Variants in FAM3A observed in about 807,000 individuals in gnomAD.
The protein encoded by FAM3A is FAM3 metabolism regulating signaling molecule A.
In FAM3A, 5 loss-of-function variants were observed where a neutral mutation model predicts 18.1. The ratio of observed to expected loss-of-function variants is 0.28; its 90% CI spans 0.14 to 0.58. The LOEUF is 0.58. FAM3A is among the 20% of genes least tolerant of loss of function. The probability of loss-of-function intolerance (pLI) is 0.91; values close to 1 mark genes in which losing one functional copy is unlikely to be tolerated. For synonymous variants in FAM3A, 108 were observed against 90.2 expected (o/e 1.20, Z -1.12); for missense variants, 154 against 216.6 (o/e 0.71, Z 1.81).
chrX:154,512,086 A>G (rs1317229131), intron 2 of FAM3A, among the ~76,000 whole-genome samples: 1 of 110,310 alleles, frequency 9.1e-6, no homozygotes, highest in Non-Finnish European at 1.9e-5. Flanking sequence ...ATGGAATTAG[A>G]AAAACTACTT....
Position 154,508,609 on chromosome X carries a change from T to A in FAM3A, c.152-12A>T. On this transcript the variant is annotated splice_polypyrimidine_tract_variant and intron_variant, in intron 3 of 8. Transcript: ENST00000447601. ...CCTGGCCCGTGGCGCTGGGCAGGGA[T>A]AGCAGGTGTTATCCATGGGCCTGGC... 8.5e-7 allele frequency: 1 copy of A among 1,180,471 alleles called. No homozygotes were observed. The highest frequency in any genetic ancestry group is 1.1e-6 in the Non-Finnish European group (1 of 879,290).
chrX:154,508,821 G>T lies in FAM3A; in HGVS notation c.152-224C>A, dbSNP rs111420995. 4.4e-3 allele frequency: 2,247 copies of T among 508,099 alleles called. 43 individuals are homozygous for T. Among genetic ancestry groups the T allele is most frequent in the African/African-American group, 0.043 (1,876 of 43,348 alleles). 41.9% of individuals were successfully genotyped at this position (508,099 alleles called of 1,213,427 possible). A position where few individuals can be genotyped will look rare whatever the true frequency, so the allele number is the denominator to read the frequency against. ...GAAGGATTTTCTGTTACTGGTGGGA[G>T]AAAAGAAAGGATGCTGAGGGCTGGC... On this transcript the variant is annotated intron_variant, in intron 3 of 8. Transcript: ENST00000447601.
Position 154,506,916 on chromosome X carries a change from G to C in FAM3A, c.598-10C>G. ...TACTGTTCTTCACGTGCTGTGGGGA[G>C]GGGAGCAGAAAGTCATGACTTTGGC... On this transcript the variant is annotated splice_polypyrimidine_tract_variant and intron_variant, in intron 8 of 8. Transcript: ENST00000447601. 8.3e-7 allele frequency: 1 copy of C among 1,197,710 alleles called. No homozygotes were observed. Among genetic ancestry groups the C allele is most frequent in the Non-Finnish European group, 1.1e-6 (1 of 883,565 alleles).
intron 1 of FAM3A, among the ~76,000 whole-genome samples, chrX:154,513,317 G>C (rs73573452): frequency 0.022 from 2,440 of 111,477 alleles, 74 homozygotes; most frequent in African/African-American, 0.075. Flanking sequence ...TTCTGAGGGA[G>C]AAGGGTCCCT....
In FAM3A at chrX:154,506,814, G is replaced by C. The variant is rs1451754111; in HGVS notation, c.690C>G (p.Ser230Arg). The change falls in exon 9 of 9, where the codon AGC (serine) becomes AGG (arginine). Residue 230 changes from serine to arginine, a missense_variant. Ser to Arg is a moderately radical substitution (Grantham distance 110). Coordinates refer to ENST00000447601, the MANE Select transcript of FAM3A (RefSeq NM_021806.4). ...EGCIPRRSTA[S>R] is the part of the protein sequence containing the mutation. The stretch of plus-strand genomic sequence containing the variant: ...CCCGGTCCTGGCACTGGCCGTGCTA[G>C]CTGGCCGTGCTTCTCCGCGGGATAC... The C allele has an allele frequency of 1.7e-6, 2 of 1,208,430 alleles. No individual in the cohort carries two copies. The highest frequency in any genetic ancestry group is 5.9e-5 in the East Asian group (2 of 33,839).
rs1453317524 is a variant in FAM3A, at chrX:154,506,752, G to A, written c.*59C>T. 1.2e-5 allele frequency: 12 copies of A among 1,000,257 alleles called. No homozygotes were observed. The highest frequency in any genetic ancestry group is 3.1e-4 in the Middle Eastern group (1 of 3,210). 82.4% of individuals were successfully genotyped at this position (1,000,257 alleles called of 1,213,427 possible). On this transcript the variant is annotated 3_prime_UTR_variant, in exon 9 of 9. Coordinates refer to ENST00000447601, the MANE Select transcript of FAM3A (RefSeq NM_021806.4). ...GTGAGCCTCAGCCTCTGTCCGCCCG[G>A]CAGCGCGCGTGCCTCCCTTGGTCTG...
intron 3 of FAM3A, chrX:154,508,982 G>A (rs1380992940): frequency 1.9e-5 from 5 of 263,682 alleles, no homozygotes; most frequent in South Asian, 4.0e-5. Context: ...CCTGTCTCCC[G>A]ATTTTGATGG....
chrX:154,507,743 T>C (rs2069632265), intron 6 of FAM3A, 68 bp downstream of exon 6: 1 of 1,009,454 alleles, frequency 9.9e-7, no homozygotes, highest in Non-Finnish European at 1.4e-6. Flanking sequence ...GAGAGAGCAG[T>C]GTCTCAGGGG....
intron 5 of FAM3A, 69 bp from the exon 6 acceptor site, chrX:154,507,930 C>A: frequency 1.0e-6 from 1 of 977,033 alleles, no homozygotes; most frequent in Middle Eastern, 3.5e-4. Flanking sequence ...GCGGGTAGCA[C>A]CGGGGGTGGG....
At chrX:154,511,454 G>A (rs1052420700) in intron 3 of FAM3A, 83 of 148,057 alleles carry the variant, frequency 5.6e-4, no homozygotes, top group African/African-American at 2.4e-3. Flanking sequence ...GGGTGGCCCC[G>A]AAGGTGGGGC....
rs1043871939 is a variant in FAM3A, at chrX:154,506,630, C to A, written c.*181G>T. On this transcript the variant is annotated 3_prime_UTR_variant, in exon 9 of 9. Transcript: ENST00000447601. ...AGTGCGGCAGGGCTACCCCCTGCAG[C>A]CCCCATAGCCCCCACCACCTTGAGA... The A allele has an allele frequency of 1.1e-4, 50 of 437,092 alleles. No individual in the cohort carries two copies. In the East Asian group the frequency reaches 1.8e-3, roughly 16 times the overall value. 36.0% of individuals were successfully genotyped at this position (437,092 alleles called of 1,213,427 possible).
At chrX:154,515,670 C>G in intron 1 of FAM3A, 90 bp downstream of exon 1, 2 of 1,023,694 alleles carry the variant, frequency 2.0e-6, no homozygotes, top group Non-Finnish European at 2.8e-6. Flanking sequence ...GTGGTTCACC[C>G]GGGCCTCTCC....
At chrX:154,508,628 G>A in intron 3 of FAM3A, 31 bp from the exon 4 acceptor site, 1 of 1,173,016 alleles carries the variant, frequency 8.5e-7, no homozygotes. Flanking sequence ...TTATCCATGG[G>A]CCTGGCCCTG....
chrX:154,506,958 C>G, intron 8 of FAM3A, 52 bp from the exon 9 acceptor site: 2 of 1,059,264 alleles, frequency 1.9e-6, no homozygotes, highest in Non-Finnish European at 2.6e-6. Context: ...GGACAGGGGA[C>G]AGGAGTGGAC....
chrX:154,512,457 G>T, intron 2 of FAM3A: 1 of 225,512 alleles, frequency 4.4e-6, no homozygotes, highest in Non-Finnish European at 8.0e-6. Context: ...AAACAAAAAA[G>T]TACTCAGGTG....
rs1689918886 is a variant in FAM3A, at chrX:154,508,027, C to G, written c.335-166G>C. ...TGCATCCCACCCCAAGCCGTGGTGCCTCTGTCTGGCATTTGAGGCCCTCCG... is the reference window on the plus strand; with the variant it reads ...TGCATCCCACCCCAAGCCGTGGTGCGTCTGTCTGGCATTTGAGGCCCTCCG... On this transcript the variant is annotated intron_variant, in intron 5 of 8. Coordinates refer to ENST00000447601, the MANE Select transcript of FAM3A (RefSeq NM_021806.4). 3 of 523,197 alleles carry G rather than the reference C, an allele frequency of 5.7e-6. No individual in the cohort carries two copies. The South Asian group carries it at 9.4e-5, about 16-fold the overall frequency. 43.1% of individuals were successfully genotyped at this position (523,197 alleles called of 1,213,427 possible). A position where few individuals can be genotyped will look rare whatever the true frequency, so the allele number is the denominator to read the frequency against.
chrX:154,513,035 G>C, intron 1 of FAM3A, 99 bp from the exon 2 acceptor site: 1 of 536,975 alleles, frequency 1.9e-6, no homozygotes, highest in Non-Finnish European at 3.1e-6. Context: ...CTGCCACTTG[G>C]GAAGAAGTGG....
intron 8 of FAM3A, 35 bp downstream of exon 8, chrX:154,507,168 G>A: frequency 8.5e-7 from 1 of 1,177,426 alleles, no homozygotes; most frequent in African/African-American, 1.8e-5. Context: ...GCGACAGGCT[G>A]CCCCGGTGGG....
At position 154,507,420 on chromosome X, in the gene FAM3A, G is replaced by A. The variant is rs376771704; in HGVS notation, c.456C>T (p.Asp152=). 3.1e-5 allele frequency: 38 copies of A among 1,209,810 alleles called. No homozygotes were observed. The East Asian group carries it at 3.3e-4, about 10-fold the overall frequency. Residue 152 remains aspartate, a synonymous_variant, in exon 7 of 9, where the codon GAC becomes GAT. Coordinates refer to ENST00000447601, the MANE Select transcript of FAM3A (RefSeq NM_021806.4). ...EGTLVFVASY[D]DPATKMNEET... is the part of the protein sequence containing the mutation. Reference sequence around the variant, plus strand: ...CAAGCACCTACTTGGTGGCTGGGTCGTCGTAGGATGCCACGAACACCAGGG... The same window carrying A: ...CAAGCACCTACTTGGTGGCTGGGTCATCGTAGGATGCCACGAACACCAGGG...
Sources: gnomAD v4.1 joint callset for allele counts (sites outside exome capture counted in the v4.1 genomes callset) on GRCh38, gnomAD v4.1.1 for gene constraint, MANE v1.5 for transcripts, NCBI Gene and HGNC (gene_info 2026-07-23, HGNC 2026-07-21) for gene names.